SLC16A10: variants seen among roughly 807,000 people sequenced by gnomAD.
SLC16A10 encodes solute carrier family 16 member 10, also known as monocarboxylate transporter 10.
Under a neutral mutation model 40.0 loss-of-function variants are expected in SLC16A10, and 27 were observed. The observed-to-expected ratio is 0.67, with a 90% CI of 0.50 to 0.93. The LOEUF is 0.93. SLC16A10 is among the 40% of genes least tolerant of loss of function. The probability of loss-of-function intolerance (pLI) is 0.00; values close to 1 mark genes in which losing one functional copy is unlikely to be tolerated. For missense variants in SLC16A10, 529 were observed against 658.2 expected (o/e 0.80, Z 2.15); for synonymous variants, 213 against 249.8 (o/e 0.85, Z 1.39).
chr6:111,108,975 A>G (rs985046567), intron 1 of SLC16A10, among the ~76,000 whole-genome samples: 2 of 152,262 alleles, frequency 1.3e-5, no homozygotes, highest in East Asian at 1.9e-4. Flanking sequence ...TGGAATAAAT[A>G]TAAATTAGAT....
intron 3 of SLC16A10, among the ~76,000 whole-genome samples, chr6:111,202,840 T>A (rs1773192129): frequency 7.7e-6 from 1 of 130,458 alleles, no homozygotes; most frequent in African/African-American, 3.0e-5. Flanking sequence ...TGAGCTGAGA[T>A]CATGCCACTG....
chr6:111,178,443 G>A lies in SLC16A10; in HGVS notation c.942+778G>A, dbSNP rs144413764. On this transcript the variant is annotated intron_variant, in intron 3 of 5. Coordinates refer to ENST00000368851, the MANE Select transcript of SLC16A10 (RefSeq NM_018593.5). ...TTATACTGAAATACGAATAATTAAT[G>A]TCTAGACTGGGGTTGGTGCCTCACG... The A allele has an allele frequency of 6.4e-5, 34 of 531,446 alleles. No homozygotes were observed. In the East Asian group the frequency reaches 8.2e-4, roughly 13 times the overall value. 32.9% of individuals were successfully genotyped at this position (531,446 alleles called of 1,614,324 possible).
At chr6:111,157,267 T>G (rs2114522549) in intron 1 of SLC16A10, among the ~76,000 whole-genome samples, 1 of 152,110 alleles carries the variant, frequency 6.6e-6, no homozygotes, top group Admixed American at 6.6e-5. Context: ...TTGATCGTAC[T>G]ATTGAGATAA....
intron 3 of SLC16A10, among the ~76,000 whole-genome samples, chr6:111,201,838 C>T (rs1773172786): frequency 3.3e-5 from 5 of 152,168 alleles, no homozygotes; most frequent in Admixed American, 6.5e-5. Flanking sequence ...ATTCTTCTAT[C>T]GTGAAACCAT....
At chr6:111,167,047 C>T (rs2114534982) in intron 1 of SLC16A10, among the ~76,000 whole-genome samples, 1 of 152,278 alleles carries the variant, frequency 6.6e-6, no homozygotes, top group South Asian at 2.1e-4. Context: ...TTGCATGTTA[C>T]TAGACTGAAA....
rs532609693 is a variant in SLC16A10, at chr6:111,212,945, C to T, written c.1087-5869C>T. On this transcript the variant is annotated intron_variant, in intron 4 of 5. Coordinates refer to ENST00000368851, the MANE Select transcript of SLC16A10 (RefSeq NM_018593.5). ...TACTTTATTGGGACAGGAGAAGCTA[C>T]GTGTGTCGTGGTATCTTTTTACTAT... 7.9e-5 allele frequency among the ~76,000 whole-genome samples: 12 copies of T among 152,208 alleles called. No homozygotes were observed. In the East Asian group the frequency reaches 1.3e-3, roughly 17 times the overall value.
At chr6:111,108,892 A>C (rs1303705112) in intron 1 of SLC16A10, among the ~76,000 whole-genome samples, 1 of 152,188 alleles carries the variant, frequency 6.6e-6, no homozygotes, top group Non-Finnish European at 1.5e-5. Context: ...TCAGCTAAGT[A>C]TTATTTCCAA....
chr6:111,159,456 A>T (rs1772332003), intron 1 of SLC16A10, among the ~76,000 whole-genome samples: 1 of 152,162 alleles, frequency 6.6e-6, no homozygotes, highest in African/African-American at 2.4e-5. Context: ...TGTTGTATTT[A>T]TCAGTAGTTC....
intron 1 of SLC16A10, among the ~76,000 whole-genome samples, chr6:111,097,030 C>T (rs902633149): frequency 6.6e-6 from 1 of 151,984 alleles, no homozygotes; most frequent in Non-Finnish European, 1.5e-5. Flanking sequence ...CTATATTGCC[C>T]AAGCTGGTTT....
chr6:111,166,845 A>T (rs1017374735), intron 1 of SLC16A10, among the ~76,000 whole-genome samples: 2 of 152,216 alleles, frequency 1.3e-5, no homozygotes, highest in African/African-American at 4.8e-5. Context: ...TAGGGTCTGG[A>T]TAGGGAAATT....
intron 3 of SLC16A10, among the ~76,000 whole-genome samples, chr6:111,189,682 T>G (rs1316188447): frequency 6.6e-6 from 1 of 152,160 alleles, no homozygotes; most frequent in Non-Finnish European, 1.5e-5. Flanking sequence ...TCTTACATGG[T>G]GGCAGGCAGG....
At chr6:111,129,920 A>G (rs1771750890) in intron 1 of SLC16A10, among the ~76,000 whole-genome samples, 1 of 152,194 alleles carries the variant, frequency 6.6e-6, no homozygotes. Context: ...TTGCTTTGAC[A>G]CATTGTGTTT....
At chr6:111,147,785 C>G (rs956493105) in intron 1 of SLC16A10, among the ~76,000 whole-genome samples, 1 of 152,148 alleles carries the variant, frequency 6.6e-6, no homozygotes, top group African/African-American at 2.4e-5. Flanking sequence ...GTTTTGTGGA[C>G]ATAGAACAAC....
At chr6:111,172,010 C>T (rs1489195306) in intron 1 of SLC16A10, among the ~76,000 whole-genome samples, 2 of 152,026 alleles carry the variant, frequency 1.3e-5, no homozygotes, top group Admixed American at 6.6e-5. Flanking sequence ...CCAAGACAGA[C>T]AATTTGTTGT....
At chr6:111,180,754 C>T (rs1015999045) in intron 3 of SLC16A10, among the ~76,000 whole-genome samples, 3 of 152,042 alleles carry the variant, frequency 2.0e-5, no homozygotes, top group African/African-American at 4.8e-5. Context: ...CTGTGGTGTG[C>T]TATGATTGTG....
chr6:111,142,102 G>GT (rs1771993586), intron 1 of SLC16A10, among the ~76,000 whole-genome samples: 1 of 152,158 alleles, frequency 6.6e-6, no homozygotes, highest in Non-Finnish European at 1.5e-5. Flanking sequence ...TAGACTGACA[G>GT]TGTCCTACTT....
At chr6:111,189,105 A>G (rs1183516367) in intron 3 of SLC16A10, among the ~76,000 whole-genome samples, 1 of 152,200 alleles carries the variant, frequency 6.6e-6, no homozygotes, top group African/African-American at 2.4e-5. Flanking sequence ...ATACAATGCT[A>G]AGAACAGATA....
chr6:111,190,875 G>C (rs1030855767), intron 3 of SLC16A10, among the ~76,000 whole-genome samples: 1 of 152,212 alleles, frequency 6.6e-6, no homozygotes. Context: ...GAAGGGCTAC[G>C]TTGAAGGTCT....
chr6:111,205,172 A>C (rs1183664741), intron 3 of SLC16A10, among the ~76,000 whole-genome samples: 1 of 152,262 alleles, frequency 6.6e-6, no homozygotes, highest in Non-Finnish European at 1.5e-5. Flanking sequence ...GAAAACAGTT[A>C]ATAGTTTTGA....
Sources: gnomAD v4.1 joint callset for allele counts (sites outside exome capture counted in the v4.1 genomes callset) on GRCh38, gnomAD v4.1.1 for gene constraint, MANE v1.5 for transcripts, NCBI Gene and HGNC (gene_info 2026-07-23, HGNC 2026-07-21) for gene names.